Variants in N4BP2 observed in about 807,000 individuals in gnomAD.
N4BP2 encodes NEDD4 binding protein 2.
In N4BP2, 91 loss-of-function variants were observed where a neutral mutation model predicts 152.8. That is an observed-to-expected ratio of 0.60 (90% CI 0.50 to 0.71). The LOEUF (loss-of-function observed/expected upper bound fraction) is 0.71. Ranked by LOEUF, N4BP2 falls within the 30% of genes least tolerant of loss-of-function variation. The pLI, the probability that N4BP2 is intolerant of heterozygous loss-of-function variation, is 0.00. For missense variants in N4BP2, 1,923 were observed against 2,059.1 expected, an observed-to-expected ratio of 0.93 and a Z score of 1.28; for synonymous variants, 646 against 705.3, an observed-to-expected ratio of 0.92 and a Z score of 1.33.
intron 13 of N4BP2, among the ~76,000 whole-genome samples, chr4:40,135,350 G>A (rs1299254783): frequency 6.6e-6 from 1 of 151,106 alleles, no homozygotes; most frequent in Non-Finnish European, 1.5e-5. Context: ...GTCTATCATT[G>A]TTGGACATTT....
chr4:40,189,148 C>CAAA, the N4BP2 span, among the ~76,000 whole-genome samples: 1 of 149,098 alleles, frequency 6.7e-6, no homozygotes, highest in African/African-American at 2.5e-5. This position sits in a 1 kb window ranked among gnomAD's most constrained non-coding sequence, Gnocchi z 4.3. Context: ...CTGTCTCAAA[C>CAAA]ACAAAACAAA....
chr4:40,072,390 C>T (rs948815241), intron 1 of N4BP2, among the ~76,000 whole-genome samples: 8 of 151,570 alleles, frequency 5.3e-5, no homozygotes, highest in Non-Finnish European at 1.0e-4. Flanking sequence ...GGATTATAGG[C>T]ACGTGCCACC....
At chr4:40,089,943 A>C (rs1358588799) in intron 2 of N4BP2, among the ~76,000 whole-genome samples, 5 of 152,236 alleles carry the variant, frequency 3.3e-5, no homozygotes, top group Admixed American at 3.3e-4. Context: ...ATTTCCAAGA[A>C]TACTAAAGGG....
At chr4:40,091,007 T>TA (rs1455397355) in intron 2 of N4BP2, among the ~76,000 whole-genome samples, 1 of 148,252 alleles carries the variant, frequency 6.7e-6, no homozygotes, top group African/African-American at 2.5e-5. Flanking sequence ...ATTTCTCTGT[T>TA]TTTTTTTTTT....
In N4BP2 at chr4:40,142,803, A is replaced by G; in HGVS notation, c.4916A>G (p.Lys1639Arg). The change falls in exon 15 of 18, where the codon AAG becomes AGG. Residue 1639 changes from lysine (K) to arginine (R), a missense_variant. Physicochemically the swap from Lys to Arg is conservative, Grantham distance 26. Transcript: ENST00000261435. ...CAGAAGAGGATGGAGTGCTACAGCA[A>G]GGCCAAAGAAGCTTATCGGATAGGG... Reference protein sequence around the residue: ...HQQKRMECYSKAKEAYRIGKK... With the variant: ...HQQKRMECYSRAKEAYRIGKK... 1 of 1,614,194 alleles carries G rather than the reference A, an allele frequency of 6.2e-7. No individual in the cohort carries two copies. The highest frequency in any genetic ancestry group is 8.5e-7 in the Non-Finnish European group (1 of 1,180,032).
At chr4:40,072,572 G>A (rs1274142253) in intron 1 of N4BP2, among the ~76,000 whole-genome samples, 1 of 151,456 alleles carries the variant, frequency 6.6e-6, no homozygotes, top group Admixed American at 6.6e-5. Flanking sequence ...AATTTTAGTA[G>A]AGATGAGGTT....
intron 1 of N4BP2, among the ~76,000 whole-genome samples, chr4:40,061,262 C>T (rs1003768008): frequency 6.6e-6 from 1 of 151,136 alleles, no homozygotes; most frequent in African/African-American, 2.4e-5. Context: ...CTCTGCCTCC[C>T]AGGTTCAAGC....
rs999368850 is a variant in N4BP2 at position 40,155,287 on chromosome 4, G to GAGGCT, written c.*1051_*1055dup. 6.6e-6 allele frequency: 1 copy of GAGGCT among 152,052 alleles called. No homozygotes were observed. The highest frequency in any genetic ancestry group is 2.4e-5 in the African/African-American group (1 of 41,332). The allele number at this position is 152,052 out of a possible 1,614,324, so 9.4% of individuals were successfully genotyped here. ...TGTGCCTGTAATCCCAGCTACTTGG[G>GAGGCT]AGGCTGAGGCAGGAGAACCGCTTAA... On this transcript the variant is annotated 3_prime_UTR_variant, in exon 18 of 18. Coordinates refer to ENST00000261435, the MANE Select transcript of N4BP2 (RefSeq NM_018177.6).
intron 2 of N4BP2, among the ~76,000 whole-genome samples, chr4:40,081,998 G>A (rs1249472093): frequency 6.6e-6 from 1 of 152,152 alleles, no homozygotes; most frequent in Non-Finnish European, 1.5e-5. Context: ...TGTAATCCCA[G>A]CTATTCGGGA....
Position 40,120,940 on chromosome 4 carries a change from C to G in N4BP2, c.2829C>G (p.Ser943Arg). 1 of 1,614,158 alleles carries G rather than the reference C, an allele frequency of 6.2e-7. No homozygotes were observed. Among genetic ancestry groups the G allele is most frequent in the Non-Finnish European group, 8.5e-7 (1 of 1,180,016 alleles). ...TSSQKLKTLG[S>R]SNLGSSEMLL... is the part of the protein sequence containing the mutation. ...CTCAAAAACTAAAGACATTGGGTAG[C>G]TCCAATCTAGGAAGTTCTGAAATGC... Residue 943 changes from serine to arginine, a missense_variant, in exon 9 of 18, where the codon AGC (serine) becomes AGG (arginine). Physicochemically the swap from Ser to Arg is moderately radical, Grantham distance 110 (BLOSUM62 -1). Coordinates refer to ENST00000261435, the MANE Select transcript of N4BP2 (RefSeq NM_018177.6).
At chr4:40,169,105 G>A in the N4BP2 span, among the ~76,000 whole-genome samples, 59 of 152,102 alleles carry the variant, frequency 3.9e-4, no homozygotes, top group Non-Finnish European at 5.9e-4. Flanking sequence ...AAAAAGGGCC[G>A]GGCGTGGTGG....
At chr4:40,074,022 C>T (rs1429415244) in intron 2 of N4BP2, among the ~76,000 whole-genome samples, 1 of 151,770 alleles carries the variant, frequency 6.6e-6, no homozygotes, top group East Asian at 1.9e-4. Flanking sequence ...AAACTCCCAA[C>T]CTCAGGTGAT....
chr4:40,136,935 T>G lies in N4BP2; in HGVS notation c.4647-9T>G. On this transcript the variant is annotated splice_polypyrimidine_tract_variant and intron_variant, in intron 13 of 17. Transcript: ENST00000261435. ...ATTGACATTATGTTTCTACTTAAAT[T>G]TTCTACAGCTATTCATTAGAACACA... 7.5e-6 allele frequency: 12 copies of G among 1,592,314 alleles called. No homozygotes were observed. The highest frequency in any genetic ancestry group is 1.0e-5 in the Non-Finnish European group (12 of 1,166,058).
intron 16 of N4BP2, among the ~76,000 whole-genome samples, 153 bp from the exon 17 acceptor site, chr4:40,152,627 A>G (rs1182331012): frequency 1.3e-5 from 2 of 152,192 alleles, no homozygotes; most frequent in Non-Finnish European, 2.9e-5. Context: ...GCTTTTTGAG[A>G]TAGCAAATCT....
intron 16 of N4BP2, among the ~76,000 whole-genome samples, chr4:40,147,228 GTAAGGTCA>G (rs1160281639): frequency 4.6e-5 from 7 of 151,170 alleles, no homozygotes; most frequent in Non-Finnish European, 1.0e-4. Context: ...AGGGTTGGGG[GTAAGGTCA>G]TAGATCAACA....
chr4:40,080,423 C>T (rs1713242610), intron 2 of N4BP2, among the ~76,000 whole-genome samples: 1 of 150,852 alleles, frequency 6.6e-6, no homozygotes, highest in Non-Finnish European at 1.5e-5. Context: ...ATCTCGGTCA[C>T]TGCAACCACT....
chr4:40,164,470 A>G, the N4BP2 span, among the ~76,000 whole-genome samples: 1 of 152,190 alleles, frequency 6.6e-6, no homozygotes, highest in Admixed American at 6.5e-5. Flanking sequence ...CAAGCAGTGC[A>G]GTAGAGAGGA....
chr4:40,114,731 CTCCTCTTT>C (rs1717196430), intron 7 of N4BP2, among the ~76,000 whole-genome samples: 1 of 152,094 alleles, frequency 6.6e-6, no homozygotes, highest in African/African-American at 2.4e-5. Context: ...TGGGAAGTAT[CTCCTCTTT>C]TCTTCTTTTC....
chr4:40,148,928 GA>G (rs1244620579), intron 16 of N4BP2, among the ~76,000 whole-genome samples: 2 of 149,090 alleles, frequency 1.3e-5, no homozygotes, highest in Non-Finnish European at 3.0e-5. Flanking sequence ...GACTCTCTAA[GA>G]AAAAAAAAAT....
Sources: gnomAD v4.1 joint callset for allele counts (sites outside exome capture counted in the v4.1 genomes callset) on GRCh38, gnomAD v4.1.1 for gene constraint, Gnocchi (gnomAD v3.1) non-coding constraint, MANE v1.5 for transcripts, NCBI Gene and HGNC (gene_info 2026-07-23, HGNC 2026-07-21) for gene names.